BBS9: variants seen among roughly 807,000 people sequenced by gnomAD.
BBS9 encodes Bardet-Biedl syndrome 9, also known as protein PTHB1.
Under a neutral mutation model 117.7 loss-of-function variants are expected in BBS9, and 89 were observed. That is an observed-to-expected ratio of 0.76 (90% CI 0.64 to 0.90). The LOEUF is 0.90. Ranked by LOEUF, BBS9 falls within the 40% of genes least tolerant of loss-of-function variation. The pLI is 0.00. For missense variants in BBS9, 982 were observed against 1,042.2 expected (o/e 0.94, Z 0.80); for synonymous variants, 379 against 370.9 (o/e 1.02, Z -0.25).
intron 22 of BBS9, 82 bp downstream of exon 22, chr7:33,605,057 C>T: frequency 6.8e-7 from 1 of 1,464,356 alleles, no homozygotes; most frequent in Non-Finnish European, 9.6e-7. Context: ...TACCAGAGAG[C>T]ATTCCGCAAA....
At chr7:33,571,145 T>G (rs775896749) in intron 21 of BBS9, among the ~76,000 whole-genome samples, 1 of 152,162 alleles carries the variant, frequency 6.6e-6, no homozygotes, top group Non-Finnish European at 1.5e-5. Context: ...TGTACTATTT[T>G]GTTTTCAATC....
At chr7:33,585,919 C>G (rs546272723) in intron 21 of BBS9, among the ~76,000 whole-genome samples, 3 of 152,158 alleles carry the variant, frequency 2.0e-5, no homozygotes, top group South Asian at 2.1e-4. Flanking sequence ...CTACTCCTAA[C>G]AGGGTCATTG....
chr7:33,264,700 A>G (rs1798523401), intron 7 of BBS9, among the ~76,000 whole-genome samples: 2 of 152,068 alleles, frequency 1.3e-5, no homozygotes, highest in Non-Finnish European at 2.9e-5. Context: ...ATTATATTCT[A>G]TTGTTTGAAG....
At chr7:33,576,331 T>G (rs1485482938) in intron 21 of BBS9, among the ~76,000 whole-genome samples, 3 of 152,188 alleles carry the variant, frequency 2.0e-5, no homozygotes, top group African/African-American at 7.2e-5. Flanking sequence ...ATAAAATACC[T>G]AGGAATCCAA....
chr7:33,563,989 A>G (rs1856487239), intron 21 of BBS9, among the ~76,000 whole-genome samples: 1 of 151,970 alleles, frequency 6.6e-6, no homozygotes. Flanking sequence ...TGCTTTATTC[A>G]TTTTAGCTTT....
chr7:33,162,611 C>G (rs998120695), intron 4 of BBS9, among the ~76,000 whole-genome samples: 5 of 151,932 alleles, frequency 3.3e-5, no homozygotes, highest in Non-Finnish European at 5.9e-5. Context: ...TGGGAGTTCA[C>G]TCATGATTTG....
At chr7:33,231,428 C>CTTTTTTTTTTTT (rs35407590) in intron 5 of BBS9, among the ~76,000 whole-genome samples, 6 of 106,372 alleles carry the variant, frequency 5.6e-5, no homozygotes, top group Non-Finnish European at 9.7e-5. Context: ...GCCTATGTGT[C>CTTTTTTTTTTTT]TTTTTTTTTT....
chr7:33,368,490 G>A (rs1822214772), intron 17 of BBS9, among the ~76,000 whole-genome samples: 1 of 151,870 alleles, frequency 6.6e-6, no homozygotes, highest in Non-Finnish European at 1.5e-5. Context: ...AAGCTACTGA[G>A]CTTACTGAGT....
chr7:33,587,811 T>A (rs1218854514), intron 21 of BBS9, among the ~76,000 whole-genome samples: 1 of 152,124 alleles, frequency 6.6e-6, no homozygotes, highest in Non-Finnish European at 1.5e-5. Flanking sequence ...TAGGGAGGAA[T>A]TTGAAATGTT....
intron 19 of BBS9, among the ~76,000 whole-genome samples, chr7:33,426,858 TG>T (rs1337693438): frequency 3.3e-5 from 5 of 152,146 alleles, no homozygotes; most frequent in African/African-American, 1.2e-4. Context: ...GACTAGTCAG[TG>T]CCTTTGTTCT....
chr7:33,351,463 T>C (rs760735704), intron 14 of BBS9, 140 bp downstream of exon 14: 20 of 726,896 alleles, frequency 2.8e-5, no homozygotes, highest in Non-Finnish European at 4.2e-5. Flanking sequence ...AAATCATGTT[T>C]TCATTACTTT....
chr7:33,399,121 G>A (rs1730163293), intron 19 of BBS9, among the ~76,000 whole-genome samples: 1 of 152,168 alleles, frequency 6.6e-6, no homozygotes, highest in African/African-American at 2.4e-5. Context: ...CATTTCAAGT[G>A]TGAATTAGCT....
intron 5 of BBS9, among the ~76,000 whole-genome samples, chr7:33,251,448 C>A (rs1255104988): frequency 6.6e-6 from 1 of 152,106 alleles, no homozygotes; most frequent in African/African-American, 2.4e-5. Context: ...TCACCCAAAC[C>A]TTATGGCTGA....
intron 9 of BBS9, among the ~76,000 whole-genome samples, chr7:33,296,373 AGT>A (rs1226831401): frequency 3.3e-5 from 5 of 152,210 alleles, no homozygotes; most frequent in Non-Finnish European, 7.4e-5. Flanking sequence ...TTTTATGGAC[AGT>A]GTAAACAATC....
chr7:33,510,966 C>T lies in BBS9; in HGVS notation c.2298+5321C>T, dbSNP rs181431132. On this transcript the variant is annotated intron_variant, in intron 20 of 22. Coordinates refer to ENST00000242067, the MANE Select transcript of BBS9 (RefSeq NM_198428.3). ...CTATTTGTGATATCCTAGGTTCAGC[C>T]TGTTCAGATGTGCAATAACCAGACA... is the stretch of plus-strand genomic sequence containing the variant. Among the ~76,000 whole-genome samples, 14 of 152,316 alleles carry T rather than the reference C, an allele frequency of 9.2e-5. No individual in the cohort carries two copies. The East Asian group carries it at 1.7e-3, about 19-fold the overall frequency.
At chr7:33,254,490 G>A (rs192597303) in intron 5 of BBS9, among the ~76,000 whole-genome samples, 139 of 152,162 alleles carry the variant, frequency 9.1e-4, no homozygotes, top group African/African-American at 3.3e-3. Flanking sequence ...TATTAGTATG[G>A]ATCACTTCTC....
At position 33,177,163 on chromosome 7, in the gene BBS9, C is replaced by G. The variant is rs138945020; in HGVS notation, c.329-315C>G. Among the ~76,000 whole-genome samples the G allele has an allele frequency of 4.7e-4, 72 of 152,046 alleles. No homozygotes were observed. The East Asian group carries it at 0.014, about 29-fold the overall frequency. On this transcript the variant is annotated intron_variant, in intron 4 of 22. Coordinates refer to ENST00000242067, the MANE Select transcript of BBS9 (RefSeq NM_198428.3). ...TGCAGAGAACTTATTTATTTCAGATCTGAAATTAGAGGGTTTTGTTGTTAT... is the reference window on the plus strand; with the variant it reads ...TGCAGAGAACTTATTTATTTCAGATGTGAAATTAGAGGGTTTTGTTGTTAT...
intron 5 of BBS9, among the ~76,000 whole-genome samples, chr7:33,204,739 C>T (rs1366158771): frequency 1.3e-5 from 2 of 152,152 alleles, no homozygotes; most frequent in African/African-American, 4.8e-5. Context: ...GCCATCACTA[C>T]TACCCTCATA....
chr7:33,518,980 T>G (rs1257580029), intron 20 of BBS9, among the ~76,000 whole-genome samples: 1 of 152,112 alleles, frequency 6.6e-6, no homozygotes, highest in East Asian at 1.9e-4. Context: ...TCTGGAACTG[T>G]TTCATATCCA....
Sources: gnomAD v4.1 joint callset for allele counts (sites outside exome capture counted in the v4.1 genomes callset) on GRCh38, gnomAD v4.1.1 for gene constraint, MANE v1.5 for transcripts, NCBI Gene and HGNC (gene_info 2026-07-23, HGNC 2026-07-21) for gene names.